MVB12B: variants seen among roughly 807,000 people sequenced by gnomAD.
MVB12B encodes multivesicular body subunit 12B.
MVB12B carries 16 observed loss-of-function variants against 41.6 expected under a neutral mutation model. That is an observed-to-expected ratio of 0.38 (90% CI 0.26 to 0.58). The LOEUF (loss-of-function observed/expected upper bound fraction) is 0.58, where lower values mean the gene tolerates loss of function less well. MVB12B is among the 20% of genes least tolerant of loss of function. MVB12B has a pLI of 0.62. For synonymous variants in MVB12B, 133 were observed against 139.7 expected, an observed-to-expected ratio of 0.95 and a Z score of 0.34; for missense variants, 274 against 380.2, an observed-to-expected ratio of 0.72 and a Z score of 2.32.
Position 126,352,821 on chromosome 9 carries a change from AT to A in MVB12B, c.204+12194del, listed in dbSNP as rs1378097125. Among the ~76,000 whole-genome samples the A allele has an allele frequency of 1.3e-4, 20 of 152,306 alleles. No homozygotes were observed. The South Asian group carries it at 3.9e-3, about 30-fold the overall frequency. ...TCAGAGTTAGCCAGAGAATCTGTTT[AT>A]TTCTAAGCCTGTCATAAATCTTTCC... On this transcript the variant is annotated intron_variant, in intron 2 of 9. Transcript: ENST00000361171.
chr9:126,380,282 A>ACT (rs1404174372), intron 2 of MVB12B, among the ~76,000 whole-genome samples: 1 of 151,166 alleles, frequency 6.6e-6, no homozygotes, highest in Non-Finnish European at 1.5e-5. Flanking sequence ...TCTCCTTTGC[A>ACT]CTCTCTCCCA....
intron 7 of MVB12B, among the ~76,000 whole-genome samples, chr9:126,444,951 C>A (rs1362996469): frequency 6.6e-6 from 1 of 152,094 alleles, no homozygotes; most frequent in East Asian, 1.9e-4. Context: ...GAGGGTCACG[C>A]TTTTAATAAT....
intron 1 of MVB12B, among the ~76,000 whole-genome samples, chr9:126,331,131 A>C (rs963630137): frequency 2.0e-5 from 3 of 151,964 alleles, no homozygotes; most frequent in African/African-American, 4.8e-5. Flanking sequence ...CAGAAGTGGA[A>C]TTGCTGGATC....
intron 9 of MVB12B, among the ~76,000 whole-genome samples, chr9:126,500,321 G>A (rs1189539617): frequency 1.3e-5 from 2 of 152,202 alleles, no homozygotes; most frequent in Non-Finnish European, 1.5e-5. Flanking sequence ...CGCGTTTGCA[G>A]GCATCTCCCT....
intron 6 of MVB12B, among the ~76,000 whole-genome samples, chr9:126,413,912 G>T (rs902800647): frequency 6.6e-6 from 1 of 151,050 alleles, no homozygotes; most frequent in Admixed American, 6.6e-5. Context: ...CCTCTGCCTT[G>T]CTAGTCACCA....
At chr9:126,495,752 T>C (rs911906392) in intron 9 of MVB12B, among the ~76,000 whole-genome samples, 7 of 152,136 alleles carry the variant, frequency 4.6e-5, no homozygotes, top group African/African-American at 1.2e-4. Context: ...TATGTTTTTT[T>C]CAATAACATC....
chr9:126,415,038 G>A lies in MVB12B; in HGVS notation c.663-6816G>A, dbSNP rs562055759. On this transcript the variant is annotated intron_variant, in intron 6 of 9. Coordinates refer to ENST00000361171, the MANE Select transcript of MVB12B (RefSeq NM_033446.3). Reference sequence around the variant, plus strand: ...AGCCCCCACTCCCAGCCGGCCTCTCGGTTTTGTTTGATGCTGTCGAGTACC... The same window carrying A: ...AGCCCCCACTCCCAGCCGGCCTCTCAGTTTTGTTTGATGCTGTCGAGTACC... Among the ~76,000 whole-genome samples the A allele has an allele frequency of 3.8e-4, 58 of 152,062 alleles. 1 individual carries two copies. The South Asian group carries it at 9.4e-3, about 25-fold the overall frequency.
rs1186985606 is a variant in MVB12B at position 126,395,283 on chromosome 9, AAG to A, written c.540-290_540-289del. Reference sequence around the variant, plus strand: ...CTCCACAAGGAAATGGCAAAACAAAAAGAAGTTTGGAGAAGCAAGGAAAGTAC... The same window carrying A: ...CTCCACAAGGAAATGGCAAAACAAAAAAGTTTGGAGAAGCAAGGAAAGTAC... On this transcript the variant is annotated intron_variant, in intron 5 of 9. Coordinates refer to ENST00000361171, the MANE Select transcript of MVB12B (RefSeq NM_033446.3). The surrounding 1 kb of genome is among the most constrained non-coding windows in gnomAD (Gnocchi z 4.9). Among the ~76,000 whole-genome samples, 2 of 152,208 alleles carry A rather than the reference AAG, an allele frequency of 1.3e-5. No individual in the cohort carries two copies. Among genetic ancestry groups the A allele is most frequent in the Non-Finnish European group, 2.9e-5 (2 of 68,046 alleles).
chr9:126,430,517 C>T (rs1386842938), intron 7 of MVB12B, among the ~76,000 whole-genome samples: 1 of 152,054 alleles, frequency 6.6e-6, no homozygotes, highest in Non-Finnish European at 1.5e-5. Flanking sequence ...GAGTTTTCAC[C>T]TGTGAGCACC....
chr9:126,338,795 T>G (rs1453647397), intron 1 of MVB12B, among the ~76,000 whole-genome samples: 1 of 152,232 alleles, frequency 6.6e-6, no homozygotes, highest in Non-Finnish European at 1.5e-5. Context: ...GATCAATGCC[T>G]GCTCTGGATC....
At chr9:126,474,565 A>C (rs1833383819) in intron 7 of MVB12B, among the ~76,000 whole-genome samples, 1 of 152,172 alleles carries the variant, frequency 6.6e-6, no homozygotes, top group Non-Finnish European at 1.5e-5. Context: ...TACCCAACAC[A>C]CAAAATCCCT....
At chr9:126,397,986 C>T (rs1288490473) in intron 6 of MVB12B, among the ~76,000 whole-genome samples, 3 of 152,000 alleles carry the variant, frequency 2.0e-5, no homozygotes, top group Non-Finnish European at 4.4e-5. Flanking sequence ...GCCTGCAGGG[C>T]TGCACACCAG....
intron 1 of MVB12B, among the ~76,000 whole-genome samples, chr9:126,327,477 G>T (rs1284988980): frequency 6.6e-6 from 1 of 152,216 alleles, no homozygotes; most frequent in Non-Finnish European, 1.5e-5. Flanking sequence ...CCTGGGCACA[G>T]CAGAGAGGAC....
rs551932472 is a variant in MVB12B at position 126,385,629 on chromosome 9, T to C, written c.313-933T>C. ...ACACTGGGCTTCGGGGATGAGGCAC[T>C]TCTGCAAAATGGGCACGTGGAGTGC... On this transcript the variant is annotated intron_variant, in intron 3 of 9. Coordinates refer to ENST00000361171, the MANE Select transcript of MVB12B (RefSeq NM_033446.3). 4.6e-5 allele frequency among the ~76,000 whole-genome samples: 7 copies of C among 152,220 alleles called. 1 individual carries two copies. In the South Asian group the frequency reaches 1.2e-3, roughly 27 times the overall value.
intron 2 of MVB12B, among the ~76,000 whole-genome samples, chr9:126,364,811 G>A (rs1830120528): frequency 6.6e-6 from 1 of 152,070 alleles, no homozygotes; most frequent in Admixed American, 6.5e-5. Context: ...GAGTGCAGTG[G>A]CGCAATCTCC....
chr9:126,445,520 T>G (rs1192066655), intron 7 of MVB12B, among the ~76,000 whole-genome samples: 3 of 152,188 alleles, frequency 2.0e-5, no homozygotes. Flanking sequence ...GCCAGGCTGG[T>G]CTTGAACTCC....
chr9:126,476,876 CAAAAAAAAAAAA>C (rs35160593), intron 7 of MVB12B, among the ~76,000 whole-genome samples: 91 of 63,830 alleles, frequency 1.4e-3, no homozygotes, highest in Non-Finnish European at 1.7e-3. Flanking sequence ...GACTCCATCT[CAAAAAAAAAAAA>C]AAAAAAAAAT....
chr9:126,406,832 C>CT (rs895735946), intron 6 of MVB12B, among the ~76,000 whole-genome samples: 107 of 145,524 alleles, frequency 7.4e-4, no homozygotes, highest in African/African-American at 1.2e-3. Flanking sequence ...CTTTCTTCAT[C>CT]TTTTTTTTTT....
intron 9 of MVB12B, among the ~76,000 whole-genome samples, chr9:126,488,280 G>A (rs903967663): frequency 3.1e-5 from 3 of 96,956 alleles, no homozygotes; most frequent in Non-Finnish European, 6.6e-5. Flanking sequence ...GCTTGGGGGT[G>A]GAGAAGTCTC....
Sources: allele counts gnomAD v4.1 joint callset (sites outside exome capture counted in the v4.1 genomes callset), GRCh38; gene constraint gnomAD v4.1.1; non-coding constraint Gnocchi (gnomAD v3.1); transcripts MANE v1.5; gene names NCBI Gene and HGNC (gene_info 2026-07-23, HGNC 2026-07-21).